BMPR1B: variants seen among roughly 807,000 people sequenced by gnomAD.
The protein encoded by BMPR1B is bone morphogenetic protein receptor type 1B, also known as bone morphogenetic protein receptor type-1B.
Under a neutral mutation model 59.1 loss-of-function variants are expected in BMPR1B, and 12 were observed. The ratio of observed to expected loss-of-function variants is 0.20; its 90% CI spans 0.13 to 0.33. The LOEUF (loss-of-function observed/expected upper bound fraction) is 0.33. Ranked by LOEUF, BMPR1B falls within the 10% of genes least tolerant of loss-of-function variation. The pLI, the probability that BMPR1B is intolerant of heterozygous loss-of-function variation, is 1.00. For synonymous variants in BMPR1B, 237 were observed against 207.3 expected (o/e 1.14, Z -1.23); for missense variants, 550 against 610.9 (o/e 0.90, Z 1.05).
Position 95,154,455 on chromosome 4 carries a change from A to G in BMPR1B, c.1384-93A>G, listed in dbSNP as rs1362013080. 2.6e-6 allele frequency: 4 copies of G among 1,562,458 alleles called. No homozygotes were observed. In the African/African-American group the frequency reaches 4.1e-5, roughly 16 times the overall value. On this transcript the variant is annotated intron_variant, in intron 12 of 12. Coordinates refer to ENST00000515059, the MANE Select transcript of BMPR1B (RefSeq NM_001203.3). Reference sequence around the variant, plus strand: ...TTTTAAGGGTACCTTTTAAAAATATATTCAAACTTAATGAACCTAAAACTA... The same window carrying G: ...TTTTAAGGGTACCTTTTAAAAATATGTTCAAACTTAATGAACCTAAAACTA...
chr4:94,820,622 A>G (rs1724173016), intron 1 of BMPR1B, among the ~76,000 whole-genome samples: 1 of 152,252 alleles, frequency 6.6e-6, no homozygotes, highest in South Asian at 2.1e-4. Flanking sequence ...AAGAGATCAG[A>G]ACTTTGAAGG....
At chr4:95,082,214 A>G (rs189950481) in intron 3 of BMPR1B, among the ~76,000 whole-genome samples, 69 of 143,164 alleles carry the variant, frequency 4.8e-4, no homozygotes, top group African/African-American at 1.7e-3. Flanking sequence ...TAACTGTTCA[A>G]TTTTTTTTTA....
chr4:94,977,255 C>A (rs1731065089), intron 2 of BMPR1B, among the ~76,000 whole-genome samples: 1 of 152,130 alleles, frequency 6.6e-6, no homozygotes, highest in Non-Finnish European at 1.5e-5. Flanking sequence ...CCCTTAACAT[C>A]TTTAGAAGGC....
chr4:94,799,377 C>T (rs1476023027), intron 1 of BMPR1B, among the ~76,000 whole-genome samples: 3 of 151,082 alleles, frequency 2.0e-5, no homozygotes, highest in East Asian at 3.9e-4. Context: ...AATCTCGGCT[C>T]ACTGCAACCT....
chr4:94,816,174 T>C (rs561085259), intron 1 of BMPR1B, among the ~76,000 whole-genome samples: 61 of 152,232 alleles, frequency 4.0e-4, no homozygotes, highest in Middle Eastern at 3.4e-3. Context: ...TGAGATGGAG[T>C]CTTGCTGTGT....
At position 95,148,862 on chromosome 4, in the gene BMPR1B, G is replaced by A; in HGVS notation, c.1191G>A (p.Met397Ile). 1 of 1,614,050 alleles carries A rather than the reference G, an allele frequency of 6.2e-7. No homozygotes were observed. Among genetic ancestry groups the A allele is most frequent in the Non-Finnish European group, 8.5e-7 (1 of 1,179,948 alleles). The stretch of plus-strand genomic sequence containing the variant: ...GAAATCACTTCCAGTCTTACATCAT[G>A]GCTGACATGTATAGTTTTGGCCTCA... ...LNRNHFQSYI[M>I]ADMYSFGLIL... Residue 397 changes from methionine to isoleucine, a missense_variant, in exon 11 of 13, where the codon ATG (methionine) becomes ATA (isoleucine). This residue lies in a region of BMPR1B where 123 missense variants were observed against 164.6 expected (regional missense o/e 0.75). Coordinates refer to ENST00000515059, the MANE Select transcript of BMPR1B (RefSeq NM_001203.3).
At position 94,779,176 on chromosome 4, in the gene BMPR1B, G is replaced by T. The variant is rs79599193; in HGVS notation, c.-183+21108G>T. Among the ~76,000 whole-genome samples the T allele has an allele frequency of 4.3e-3, 653 of 152,008 alleles. 4 individuals carry two copies. Among genetic ancestry groups the T allele is most frequent in the African/African-American group, 0.015 (632 of 41,456 alleles). On this transcript the variant is annotated intron_variant, in intron 1 of 12. Coordinates refer to ENST00000515059, the MANE Select transcript of BMPR1B (RefSeq NM_001203.3). ...TTTTTTTCTTGAGGTGTGAGTTAAG[G>T]TCCAATTCTATTTTTTTCCATATAA...
At chr4:94,860,299 A>G (rs184029701) in intron 1 of BMPR1B, among the ~76,000 whole-genome samples, 1 of 152,222 alleles carries the variant, frequency 6.6e-6, no homozygotes, top group East Asian at 1.9e-4. Context: ...AAAACCGAGT[A>G]TTTAGAAGCA....
At chr4:94,994,451 C>T (rs1721935055) in intron 2 of BMPR1B, among the ~76,000 whole-genome samples, 1 of 152,182 alleles carries the variant, frequency 6.6e-6, no homozygotes, top group South Asian at 2.1e-4. Flanking sequence ...TGCTCATTTT[C>T]CCTTCTCCCA....
chr4:94,858,404 A>G (rs1725853304), intron 1 of BMPR1B, among the ~76,000 whole-genome samples: 1 of 152,244 alleles, frequency 6.6e-6, no homozygotes, highest in Admixed American at 6.5e-5. Flanking sequence ...AAATTTGGCT[A>G]TAAAACTTAG....
At chr4:94,981,369 G>A (rs1455788108) in intron 2 of BMPR1B, among the ~76,000 whole-genome samples, 2 of 152,172 alleles carry the variant, frequency 1.3e-5, no homozygotes, top group East Asian at 3.9e-4. Context: ...ACCATGCCCA[G>A]CAAATTTATC....
intron 6 of BMPR1B, among the ~76,000 whole-genome samples, chr4:95,119,268 G>T (rs1450121159): frequency 4.6e-5 from 7 of 152,046 alleles, no homozygotes; most frequent in Non-Finnish European, 7.4e-5. Flanking sequence ...GTTTCCAGTC[G>T]CAGTCTTAAC....
chr4:95,024,665 T>C (rs187229143), intron 3 of BMPR1B, among the ~76,000 whole-genome samples: 1 of 151,982 alleles, frequency 6.6e-6, no homozygotes, highest in Admixed American at 6.6e-5. Flanking sequence ...ATCCCTGGAG[T>C]GTTGATATAT....
chr4:94,962,547 T>G (rs967025110), intron 2 of BMPR1B, among the ~76,000 whole-genome samples: 5 of 152,184 alleles, frequency 3.3e-5, no homozygotes, highest in African/African-American at 1.2e-4. Flanking sequence ...TCAGTTTTTT[T>G]TTAGCTCCCA....
At chr4:95,076,430 A>T (rs1045336034) in intron 3 of BMPR1B, among the ~76,000 whole-genome samples, 6 of 152,158 alleles carry the variant, frequency 3.9e-5, no homozygotes, top group Admixed American at 2.0e-4. Context: ...TCAGAGTTGG[A>T]TGCATATGTG....
intron 1 of BMPR1B, among the ~76,000 whole-genome samples, chr4:94,848,670 T>C (rs1338040135): frequency 1.3e-5 from 2 of 152,160 alleles, no homozygotes; most frequent in African/African-American, 4.8e-5. Flanking sequence ...ATATGAACTA[T>C]CATTGATGAT....
chr4:95,007,755 A>C (rs1448605643), intron 3 of BMPR1B, among the ~76,000 whole-genome samples: 3 of 152,196 alleles, frequency 2.0e-5, no homozygotes. Context: ...TGAAAAGCTA[A>C]GTGTTTTGGC....
intron 1 of BMPR1B, among the ~76,000 whole-genome samples, chr4:94,822,209 A>G (rs1411433905): frequency 6.6e-6 from 1 of 152,210 alleles, no homozygotes; most frequent in Non-Finnish European, 1.5e-5. Flanking sequence ...AATCCCACCA[A>G]TGAAGATGGA....
Position 94,830,706 on chromosome 4 carries a change from G to A in BMPR1B, c.-182-45125G>A, listed in dbSNP as rs28438046. Among the ~76,000 whole-genome samples the A allele has an allele frequency of 7.5e-3, 1,135 of 152,174 alleles. 17 individuals carry two copies. The highest frequency in any genetic ancestry group is 0.026 in the African/African-American group (1,087 of 41,498). Reference sequence around the variant, plus strand: ...ATACAGTCATGTGCAATATAATGACGTTTTGGTCATTGAGACCCACATGTG... The same window carrying A: ...ATACAGTCATGTGCAATATAATGACATTTTGGTCATTGAGACCCACATGTG... On this transcript the variant is annotated intron_variant, in intron 1 of 12. Transcript: ENST00000515059.
Sources: allele counts gnomAD v4.1 joint callset (sites outside exome capture counted in the v4.1 genomes callset), GRCh38; gene constraint gnomAD v4.1.1; regional missense constraint gnomAD v4.1.1; transcripts MANE v1.5; gene names NCBI Gene and HGNC (gene_info 2026-07-23, HGNC 2026-07-21).